Variants in FCHO1 observed in about 807,000 individuals in gnomAD.
FCHO1 encodes the protein F-BAR domain only protein 1.
Under a neutral mutation model 114.4 loss-of-function variants are expected in FCHO1, and 45 were observed. The observed-to-expected ratio is 0.39, with a 90% CI of 0.31 to 0.50. The LOEUF is 0.50. Ranked by LOEUF, FCHO1 falls within the 20% of genes least tolerant of loss-of-function variation. The probability of loss-of-function intolerance (pLI) is 0.77; values close to 1 mark genes in which losing one functional copy is unlikely to be tolerated. For synonymous variants in FCHO1, 480 were observed against 488.9 expected (o/e 0.98, Z 0.24); for missense variants, 1,042 against 1,209.6 (o/e 0.86, Z 2.06).
rs967454997 is a variant in FCHO1, at chr19:17,778,664, C to G, written c.1407C>G (p.Pro469=). Residue 469 remains proline (P), a synonymous_variant, in exon 20 of 29, where the codon CCC becomes CCG. Transcript: ENST00000596536. ...SSPSPFSSSS[P]ENVEDSGLDS... The stretch of plus-strand genomic sequence containing the variant: ...CCTCCCCTTTCTCCTCCTCGTCGCC[C>G]GAAAACGTGGAGGATTCCGGCCTGG... 1.3e-6 allele frequency: 2 copies of G among 1,573,188 alleles called. No homozygotes were observed. The highest frequency in any genetic ancestry group is 8.6e-7 in the Non-Finnish European group (1 of 1,163,594).
upstream of FCHO1, chr19:17,747,751 G>C (rs2080871680): frequency 6.6e-6 from 1 of 152,046 alleles, no homozygotes. Context: ...GGCGGGGCGG[G>C]CTCCGGTGTC....
At chr19:17,768,819 G>A (rs927510149) in intron 7 of FCHO1, among the ~76,000 whole-genome samples, 3 of 152,034 alleles carry the variant, frequency 2.0e-5, no homozygotes, top group African/African-American at 7.2e-5. Context: ...ACAGGCATGG[G>A]TCACTGTGCC....
In FCHO1 at chr19:17,770,466, ACT is replaced by A. The variant is rs762359210; in HGVS notation, c.382_383del (p.Ser128GlyfsTer39). Reference protein sequence around the residue: ...VVSTLDAVQVLSGVSQLLPKS... With the variant: ...VVSTLDAVQVXSGVSQLLPKS... Reference sequence around the variant, plus strand: ...TGAGCACCTTGGATGCTGTGCAGGTACTCTCGGGCGTCAGCCAGCTCCTGCCC... The same window carrying A: ...TGAGCACCTTGGATGCTGTGCAGGTACTCGGGCGTCAGCCAGCTCCTGCCC... On this transcript the variant is annotated frameshift_variant, in exon 8 of 29. Coordinates refer to ENST00000596536, the MANE Select transcript of FCHO1 (RefSeq NM_015122.3). LOFTEE classifies it high-confidence loss of function. 1.9e-6 allele frequency: 3 copies of A among 1,613,712 alleles called. No individual in the cohort carries two copies. The highest frequency in any genetic ancestry group is 2.5e-6 in the Non-Finnish European group (3 of 1,179,918).
At chr19:17,761,157 A>G (rs1351778760) in intron 4 of FCHO1, among the ~76,000 whole-genome samples, 6 of 152,138 alleles carry the variant, frequency 3.9e-5, no homozygotes, top group African/African-American at 1.4e-4. Flanking sequence ...TTGTTTATTT[A>G]TTCAACGAAC....
intron 27 of FCHO1, among the ~76,000 whole-genome samples, chr19:17,787,183 C>A (rs2093976564): frequency 1.5e-5 from 2 of 134,156 alleles, no homozygotes; most frequent in Non-Finnish European, 3.1e-5. Flanking sequence ...GAGATCGTGC[C>A]ACTGCACTCC....
In FCHO1 at chr19:17,772,443, CCCT is replaced by C; in HGVS notation, c.595-10_595-8del. On this transcript the variant is annotated splice_polypyrimidine_tract_variant and intron_variant, in intron 9 of 28. Transcript: ENST00000596536. Reference sequence around the variant, plus strand: ...CTGACCTCCTTTCCACCTGCCTCTGCCCTCCTGCTTCAGCGCTTCCAAGCCATG... The same window carrying C: ...CTGACCTCCTTTCCACCTGCCTCTGCCCTGCTTCAGCGCTTCCAAGCCATG... The C allele has an allele frequency of 6.2e-7, 1 of 1,609,568 alleles. No homozygotes were observed. The highest frequency in any genetic ancestry group is 8.5e-7 in the Non-Finnish European group (1 of 1,176,110).
intron 4 of FCHO1, among the ~76,000 whole-genome samples, chr19:17,759,226 C>CTTTTTTTTTTTTTTTTTTTTTT (rs1473282318): frequency 9.4e-6 from 1 of 105,918 alleles, no homozygotes; most frequent in African/African-American, 3.6e-5. Flanking sequence ...AGCTGATTAC[C>CTTTTTTTTTTTTTTTTTTTTTT]TTTTTTTTTT....
At chr19:17,770,619 G>A in intron 8 of FCHO1, 42 bp downstream of exon 8, 1 of 1,594,126 alleles carries the variant, frequency 6.3e-7, no homozygotes, top group Non-Finnish European at 8.6e-7. Flanking sequence ...TTGCCGCGGG[G>A]CGGAGGGGCT....
At position 17,788,489 on chromosome 19, in the gene FCHO1, C is replaced by A; in HGVS notation, c.*183C>A. On this transcript the variant is annotated 3_prime_UTR_variant, in exon 29 of 29. Transcript: ENST00000596536. The stretch of plus-strand genomic sequence containing the variant: ...TCGCTCCTCCCCCTCATGCCAACCC[C>A]ACACAGGTCCCGGCCTTTTAATGTT... 1 of 580,700 alleles carries A rather than the reference C, an allele frequency of 1.7e-6. No individual in the cohort carries two copies. Among genetic ancestry groups the A allele is most frequent in the South Asian group, 2.2e-5 (1 of 45,844 alleles). 36.0% of individuals were successfully genotyped at this position (580,700 alleles called of 1,614,324 possible).
intron 4 of FCHO1, among the ~76,000 whole-genome samples, chr19:17,761,286 A>G (rs2086052062): frequency 6.6e-6 from 1 of 152,114 alleles, no homozygotes; most frequent in African/African-American, 2.4e-5. Flanking sequence ...ACAAGAACAG[A>G]AAACACAACT....
Position 17,762,665 on chromosome 19 carries a change from A to G in FCHO1, c.28-97A>G, listed in dbSNP as rs756962376. Reference sequence around the variant, plus strand: ...CAGGCCCGAACAAGTCCCTACAGCCAAGGGGATGGACTTCTGCTCCTTGGC... The same window carrying G: ...CAGGCCCGAACAAGTCCCTACAGCCGAGGGGATGGACTTCTGCTCCTTGGC... On this transcript the variant is annotated intron_variant, in intron 4 of 28. Coordinates refer to ENST00000596536, the MANE Select transcript of FCHO1 (RefSeq NM_015122.3). 5 of 877,964 alleles carry G rather than the reference A, an allele frequency of 5.7e-6. No individual in the cohort carries two copies. The East Asian group carries it at 9.6e-5, about 17-fold the overall frequency. 54.4% of individuals were successfully genotyped at this position (877,964 alleles called of 1,614,324 possible).
At chr19:17,748,508 G>GGT (rs1555710091), upstream of FCHO1, among the ~76,000 whole-genome samples, 3 of 63,762 alleles carry the variant, frequency 4.7e-5, no homozygotes, top group South Asian at 4.5e-4. Flanking sequence ...GCCTGGACTT[G>GGT]GGGGGGGGGT....
chr19:17,776,189 G>A lies in FCHO1; in HGVS notation c.1182+28G>A. 6.2e-7 allele frequency: 1 copy of A among 1,614,090 alleles called. No homozygotes were observed. Among genetic ancestry groups the A allele is most frequent in the Non-Finnish European group, 8.5e-7 (1 of 1,180,002 alleles). On this transcript the variant is annotated intron_variant, in intron 16 of 28. Coordinates refer to ENST00000596536, the MANE Select transcript of FCHO1 (RefSeq NM_015122.3). The surrounding 1 kb of genome is among the most constrained non-coding windows in gnomAD (Gnocchi z 4.4). ...GAGGCGTGGGAGGGGTGCCCTGGGT[G>A]TTGCTAGAGAGGCTGGCTGGATGCA...
At chr19:17,787,411 TAAAAA>T (rs139752878) in intron 27 of FCHO1, among the ~76,000 whole-genome samples, 1 of 103,536 alleles carries the variant, frequency 9.7e-6, no homozygotes, top group Non-Finnish European at 2.1e-5. Context: ...ACCCTGTCTC[TAAAAA>T]AAAAAAAAAA....
At chr19:17,770,705 G>A (rs969759686) in intron 8 of FCHO1, 87 bp from the exon 9 acceptor site, 115 of 1,585,620 alleles carry the variant, frequency 7.3e-5, no homozygotes, top group Non-Finnish European at 9.7e-5. Flanking sequence ...TGGGTACCCC[G>A]AGGAGTTCAC....
intron 7 of FCHO1, among the ~76,000 whole-genome samples, chr19:17,767,563 T>TCA (rs759888511): frequency 0.37 from 42,557 of 114,156 alleles, 8,577 homozygotes; most frequent in East Asian, 0.67. Flanking sequence ...AAAGACTGTC[T>TCA]AAAAAAAAAA....
At chr19:17,777,624 G>A (rs1317192284) in intron 18 of FCHO1, among the ~76,000 whole-genome samples, 1 of 151,050 alleles carries the variant, frequency 6.6e-6, no homozygotes, top group Middle Eastern at 3.2e-3. Flanking sequence ...AGCAGATGAC[G>A]CGAAGACAGG....
intron 4 of FCHO1, among the ~76,000 whole-genome samples, chr19:17,757,216 G>C (rs2083936841): frequency 6.6e-6 from 1 of 150,986 alleles, no homozygotes; most frequent in Non-Finnish European, 1.5e-5. Flanking sequence ...ACCACATTTT[G>C]GCTGGCACAG....
At chr19:17,778,540 C>A in intron 19 of FCHO1, 69 bp from the exon 20 acceptor site, 1 of 1,457,198 alleles carries the variant, frequency 6.9e-7, no homozygotes, top group Non-Finnish European at 9.1e-7. Flanking sequence ...TGGCCGTGGC[C>A]TGCAGGAGGA....
Sources: allele counts gnomAD v4.1 joint callset (sites outside exome capture counted in the v4.1 genomes callset), GRCh38; gene constraint gnomAD v4.1.1; non-coding constraint Gnocchi (gnomAD v3.1); transcripts MANE v1.5; gene names NCBI Gene and HGNC (gene_info 2026-07-23, HGNC 2026-07-21).